DNAI1: variants seen among roughly 807,000 people sequenced by gnomAD.
DNAI1 encodes dynein axonemal intermediate chain 1.
Under a neutral mutation model 92.0 loss-of-function variants are expected in DNAI1, and 67 were observed. That is an observed-to-expected ratio of 0.73 (90% CI 0.60 to 0.89). The LOEUF (loss-of-function observed/expected upper bound fraction) is 0.89. Among genes scored for constraint, DNAI1 ranks in the 40% least tolerant of loss-of-function variants. DNAI1 has a pLI of 0.00. For synonymous variants in DNAI1, 323 were observed against 319.6 expected (o/e 1.01, Z -0.11); for missense variants, 839 against 866.6 (o/e 0.97, Z 0.40).
rs117841017 is a variant in DNAI1 at position 34,462,562 on chromosome 9, A to G, written c.48+3509A>G. On this transcript the variant is annotated intron_variant, in intron 1 of 19. Transcript: ENST00000242317. ...ATTAAATTCTAAGAAAATGAGTTCAATATGAATTCTGAATGCCCTAAGTTG... is the reference window on the plus strand; with the variant it reads ...ATTAAATTCTAAGAAAATGAGTTCAGTATGAATTCTGAATGCCCTAAGTTG... Among the ~76,000 whole-genome samples the G allele has an allele frequency of 8.5e-3, 1,293 of 152,360 alleles. 15 individuals carry two copies. Among genetic ancestry groups the G allele is most frequent in the Non-Finnish European group, 0.014 (970 of 68,026 alleles).
chr9:34,516,392 C>T (rs1192142762), intron 18 of DNAI1, among the ~76,000 whole-genome samples: 5 of 152,044 alleles, frequency 3.3e-5, no homozygotes, highest in Admixed American at 2.0e-4. Flanking sequence ...AGAGTGGAAG[C>T]GGGGAGACCA....
At chr9:34,500,605 C>T in intron 10 of DNAI1, 117 bp from the exon 11 acceptor site, 10 of 721,094 alleles carry the variant, frequency 1.4e-5, no homozygotes, top group South Asian at 1.2e-4. Flanking sequence ...TAGTATTATT[C>T]CCACTCTAAA....
intron 10 of DNAI1, among the ~76,000 whole-genome samples, chr9:34,499,579 T>C (rs1824787047): frequency 6.6e-6 from 1 of 152,070 alleles, no homozygotes; most frequent in Non-Finnish European, 1.5e-5. Flanking sequence ...GTGACAGATG[T>C]TTCAGTAGAG....
intron 1 of DNAI1, among the ~76,000 whole-genome samples, chr9:34,465,662 G>A (rs1271827173): frequency 6.6e-6 from 1 of 152,222 alleles, no homozygotes; most frequent in Non-Finnish European, 1.5e-5. Context: ...TTAGCACTCA[G>A]TACATGCCAG....
In DNAI1 at chr9:34,460,245, T is replaced by C. The variant is rs186812420; in HGVS notation, c.48+1192T>C. Among the ~76,000 whole-genome samples the C allele has an allele frequency of 2.0e-5, 3 of 152,324 alleles. No individual in the cohort carries two copies. In the East Asian group the frequency reaches 5.8e-4, roughly 29 times the overall value. On this transcript the variant is annotated intron_variant, in intron 1 of 19. Coordinates refer to ENST00000242317, the MANE Select transcript of DNAI1 (RefSeq NM_012144.4). ...CAGTTTCCCAAGGAGTCTTCTGTGG[T>C]GAAGCAACTCAGTCCTTCAGGAACT...
chr9:34,513,153 A>C lies in DNAI1; in HGVS notation c.1531A>C (p.Met511Leu), dbSNP rs775213140. 4 of 1,614,010 alleles carry C rather than the reference A, an allele frequency of 2.5e-6. No individual in the cohort carries two copies. Among genetic ancestry groups the C allele is most frequent in the East Asian group, 2.2e-5 (1 of 44,892 alleles). The change falls in exon 16 of 20, where the codon ATG becomes CTG. Residue 511 changes from methionine to leucine, a missense_variant. By Grantham distance (15) the Met-to-Leu change is conservative. Transcript: ENST00000242317. ...AFDFHKEIDY[M>L]FLVGTEEGKI... ...TGACTTCCACAAAGAGATTGACTACATGTTCCTAGTGGGCACAGAGGAGGG... is the reference window on the plus strand; with the variant it reads ...TGACTTCCACAAAGAGATTGACTACCTGTTCCTAGTGGGCACAGAGGAGGG...
chr9:34,464,111 C>T (rs1421693390), intron 1 of DNAI1, among the ~76,000 whole-genome samples: 16 of 152,132 alleles, frequency 1.1e-4, no homozygotes. Context: ...TACACTGCCA[C>T]CTCCCTAGCC....
At chr9:34,519,820 A>G (rs1047728485) in intron 19 of DNAI1, among the ~76,000 whole-genome samples, 1 of 152,150 alleles carries the variant, frequency 6.6e-6, no homozygotes, top group Non-Finnish European at 1.5e-5. Flanking sequence ...AAGGCAGGAA[A>G]TGGGGAAATG....
rs1824940432 is a variant in DNAI1, at chr9:34,506,769, C to A, written c.1206C>A (p.Gly402=). 1 of 1,614,184 alleles carries A rather than the reference C, an allele frequency of 6.2e-7. No homozygotes were observed. Among genetic ancestry groups the A allele is most frequent in the Admixed American group, 1.7e-5 (1 of 60,032 alleles). ...HVDHPYLVAV[G]HYDGNVAIYN... ...ACCACCCCTACCTGGTGGCAGTAGG[C>A]CACTATGACGGCAACGTGGCCATTT... Residue 402 remains glycine, a synonymous_variant, in exon 13 of 20, where the codon GGC becomes GGA. Coordinates refer to ENST00000242317, the MANE Select transcript of DNAI1 (RefSeq NM_012144.4).
intron 1 of DNAI1, among the ~76,000 whole-genome samples, chr9:34,480,833 C>T (rs546808028): frequency 6.6e-6 from 1 of 152,302 alleles, no homozygotes; most frequent in South Asian, 2.1e-4. Context: ...GTAATCCCAG[C>T]TTCTTGGGAG....
chr9:34,492,722 T>C (rs1256201838), intron 8 of DNAI1, among the ~76,000 whole-genome samples: 3 of 151,460 alleles, frequency 2.0e-5, no homozygotes, highest in Non-Finnish European at 4.4e-5. Flanking sequence ...GTTTTTGCCA[T>C]GTTGCCTAGG....
At chr9:34,506,564 G>C (rs1824933692) in intron 12 of DNAI1, 63 bp from the exon 13 acceptor site, 2 of 1,610,308 alleles carry the variant, frequency 1.2e-6, no homozygotes, top group Non-Finnish European at 1.7e-6. Context: ...GTAGGGGTGA[G>C]GGGGCTTCTC....
intron 7 of DNAI1, among the ~76,000 whole-genome samples, chr9:34,490,754 G>C (rs1587071469): frequency 1.3e-5 from 2 of 152,208 alleles, no homozygotes; most frequent in African/African-American, 4.8e-5. Flanking sequence ...CTTTGTAGAG[G>C]GGTAGAAATT....
chr9:34,476,146 C>A (rs1048477520), intron 1 of DNAI1, among the ~76,000 whole-genome samples: 1 of 152,152 alleles, frequency 6.6e-6, no homozygotes, highest in Non-Finnish European at 1.5e-5. Context: ...GGAATAATGA[C>A]CGTACAATGC....
At chr9:34,499,810 GA>G (rs2132071171) in intron 10 of DNAI1, among the ~76,000 whole-genome samples, 1 of 152,304 alleles carries the variant, frequency 6.6e-6, no homozygotes, top group Non-Finnish European at 1.5e-5. Flanking sequence ...CAGCTGACTA[GA>G]AATAACGTGG....
At chr9:34,511,516 C>T (rs7021681) in intron 13 of DNAI1, among the ~76,000 whole-genome samples, 15 of 152,180 alleles carry the variant, frequency 9.9e-5, no homozygotes, top group African/African-American at 2.2e-4. Context: ...CTTCACCCCC[C>T]ACTAGCAAGC....
chr9:34,489,046 T>C (rs1421733964), intron 4 of DNAI1: 3 of 392,428 alleles, frequency 7.6e-6, no homozygotes, highest in African/African-American at 6.2e-5. Context: ...AAGCCAGTGA[T>C]AGGCAAATCT....
rs202213517 is a variant in DNAI1, at chr9:34,497,160, C to T, written c.862C>T (p.Arg288Trp). ...GTCCCAAGCTGCTAAGATCATGGAG[C>T]GGATGGTCAACCAGAATACATATGA... is the stretch of plus-strand genomic sequence containing the variant. ...KLSQAAKIME[R>W]MVNQNTYDDI... Residue 288 changes from arginine (R) to tryptophan (W), a missense_variant, in exon 10 of 20, where the codon CGG becomes TGG. Physicochemically the swap from Arg to Trp is moderately radical, Grantham distance 101 (BLOSUM62 -3). Transcript: ENST00000242317. 1,477 of 1,614,022 alleles carry T rather than the reference C, an allele frequency of 9.2e-4. 20 individuals carry two copies. In the South Asian group the frequency reaches 0.014, roughly 16 times the overall value.
At chr9:34,482,613 A>C (rs1254760092) in intron 1 of DNAI1, among the ~76,000 whole-genome samples, 1 of 152,176 alleles carries the variant, frequency 6.6e-6, no homozygotes, top group African/African-American at 2.4e-5. Context: ...AGCTAAACAC[A>C]GGGTGCTGAT....
Sources: gnomAD v4.1 joint callset for allele counts (sites outside exome capture counted in the v4.1 genomes callset) on GRCh38, gnomAD v4.1.1 for gene constraint, MANE v1.5 for transcripts, NCBI Gene and HGNC (gene_info 2026-07-23, HGNC 2026-07-21) for gene names.